The following CPNE4 variants were observed in gnomAD, a reference collection of about 807,000 sequenced individuals.
CPNE4 encodes the protein copine-4.
A neutral mutation model predicts 67.9 loss-of-function variants in CPNE4; 25 were observed. The ratio of observed to expected loss-of-function variants is 0.37; its 90% CI spans 0.27 to 0.51. The LOEUF is 0.51. CPNE4 is among the 20% of genes least tolerant of loss of function. The pLI, the probability that CPNE4 is intolerant of heterozygous loss-of-function variation, is 0.93. For synonymous variants in CPNE4, 242 were observed against 244.9 expected (o/e 0.99, Z 0.11); for missense variants, 464 against 690.8 (o/e 0.67, Z 3.68).
At chr3:131,978,159 AT>A (rs1454042539) in intron 1 of CPNE4, among the ~76,000 whole-genome samples, 2 of 67,696 alleles carry the variant, frequency 3.0e-5, no homozygotes, top group Non-Finnish European at 4.5e-5. Context: ...AAATATATAA[AT>A]ATATATAAAT....
intron 1 of CPNE4, among the ~76,000 whole-genome samples, chr3:131,931,675 C>T (rs550786553): frequency 2.0e-5 from 3 of 152,160 alleles, no homozygotes; most frequent in African/African-American, 7.2e-5. Flanking sequence ...TTTGCTCTAC[C>T]TCTTTACAAC....
intron 1 of CPNE4, among the ~76,000 whole-genome samples, chr3:131,993,475 A>AAAAAG (rs2073218761): frequency 7.8e-6 from 1 of 128,450 alleles, no homozygotes; most frequent in African/African-American, 2.5e-5. Flanking sequence ...GGAGTGGCAA[A>AAAAAG]AAAAAAAAAA....
chr3:131,791,965 C>T (rs1217663062), intron 2 of CPNE4, among the ~76,000 whole-genome samples: 1 of 152,064 alleles, frequency 6.6e-6, no homozygotes, highest in Admixed American at 6.6e-5. Context: ...AGATATAGGG[C>T]TATAATTACT....
chr3:131,781,216 G>C (rs1183530222), intron 2 of CPNE4, among the ~76,000 whole-genome samples: 1 of 152,088 alleles, frequency 6.6e-6, no homozygotes, highest in Non-Finnish European at 1.5e-5. Context: ...TTCTGAGTGA[G>C]CAGCGAAGAC....
intron 10 of CPNE4, among the ~76,000 whole-genome samples, chr3:131,569,332 GGGTTAGAAAA>G (rs201996635): frequency 0.036 from 5,524 of 152,082 alleles, 142 homozygotes; most frequent in Middle Eastern, 0.092. Context: ...AAATGTTTTA[GGGTTAGAAAA>G]GATTTCCTGA....
chr3:131,670,422 T>A (rs932050662), intron 6 of CPNE4, among the ~76,000 whole-genome samples: 1 of 152,224 alleles, frequency 6.6e-6, no homozygotes, highest in African/African-American at 2.4e-5. Context: ...ACTTTACTAA[T>A]CACAAACTTG....
rs541121086 is a variant in CPNE4 at position 131,696,528 on chromosome 3, G to T, written c.507+14C>A. The T allele has an allele frequency of 2.5e-6, 4 of 1,610,794 alleles. No homozygotes were observed. In the South Asian group the frequency reaches 4.4e-5, roughly 18 times the overall value. On this transcript the variant is annotated intron_variant, in intron 5 of 15. Transcript: ENST00000429747. Reference sequence around the variant, plus strand: ...TGTTACTTCCTTCAATAAGGTTAATGCCAAACGCTTTACCTTGTCATCCAA... The same window carrying T: ...TGTTACTTCCTTCAATAAGGTTAATTCCAAACGCTTTACCTTGTCATCCAA...
intron 3 of CPNE4, among the ~76,000 whole-genome samples, chr3:131,710,955 A>G (rs1369388580): frequency 1.3e-5 from 2 of 152,202 alleles, no homozygotes; most frequent in African/African-American, 4.8e-5. Flanking sequence ...CCTAGTGATG[A>G]TAATAATGAT....
chr3:131,743,575 G>T (rs1413901614), intron 2 of CPNE4, among the ~76,000 whole-genome samples: 2 of 152,102 alleles, frequency 1.3e-5, no homozygotes, highest in Non-Finnish European at 2.9e-5. Context: ...TGATCAAATA[G>T]TTTATTCCAG....
At chr3:131,857,896 AAAAG>A (rs1188087056) in intron 2 of CPNE4, among the ~76,000 whole-genome samples, 2 of 152,044 alleles carry the variant, frequency 1.3e-5, no homozygotes, top group African/African-American at 4.8e-5. Flanking sequence ...TTAAAAAAAT[AAAAG>A]AAAGAGTAAA....
intron 9 of CPNE4, among the ~76,000 whole-genome samples, chr3:131,576,533 T>C (rs1188168402): frequency 6.6e-6 from 1 of 152,120 alleles, no homozygotes; most frequent in Non-Finnish European, 1.5e-5. Flanking sequence ...CAGGATTTGA[T>C]TTGTACAGTT....
chr3:131,684,349 T>C (rs964855292), intron 6 of CPNE4, among the ~76,000 whole-genome samples: 1 of 152,230 alleles, frequency 6.6e-6, no homozygotes, highest in African/African-American at 2.4e-5. Context: ...AGGGCAACTG[T>C]GCTAGCTGCA....
At chr3:131,683,696 C>G (rs185546197) in intron 6 of CPNE4, among the ~76,000 whole-genome samples, 12 of 152,218 alleles carry the variant, frequency 7.9e-5, no homozygotes, top group African/African-American at 2.2e-4. Context: ...TCATAGCCCA[C>G]TGGCTATGAG....
intron 5 of CPNE4, among the ~76,000 whole-genome samples, chr3:131,692,719 T>C (rs1360842040): frequency 6.6e-6 from 1 of 152,170 alleles, no homozygotes. Context: ...ACCTCTACTT[T>C]AGAGACAGAT....
At chr3:131,916,861 T>C (rs2089200292) in intron 1 of CPNE4, among the ~76,000 whole-genome samples, 1 of 152,218 alleles carries the variant, frequency 6.6e-6, no homozygotes, top group South Asian at 2.1e-4. Context: ...CTACTGTTTG[T>C]TTTCTTTGTT....
rs58116331 is a variant in CPNE4 at position 131,993,472 on chromosome 3, C to CAAAAAA, written c.-2+41089_-2+41094dup. On this transcript the variant is annotated intron_variant, in intron 1 of 15. Coordinates refer to ENST00000429747, the MANE Select transcript of CPNE4 (RefSeq NM_130808.3). ...ACCCTGATTTCGTGTGCAGGAGTGG[C>CAAAAAA]AAAAAAAAAAAAAAAAAGCATAGCT... Among the ~76,000 whole-genome samples the CAAAAAA allele has an allele frequency of 5.2e-3, 315 of 60,440 alleles. 36 individuals carry two copies. The highest frequency in any genetic ancestry group is 0.01 in the African/African-American group (184 of 18,298). 39.7% of individuals were successfully genotyped at this position (60,440 alleles called of 152,430 possible).
chr3:131,968,076 T>G (rs2072401646), intron 1 of CPNE4, among the ~76,000 whole-genome samples: 1 of 152,166 alleles, frequency 6.6e-6, no homozygotes, highest in African/African-American at 2.4e-5. Flanking sequence ...CATCTGATCT[T>G]TGACAAACCT....
intron 2 of CPNE4, among the ~76,000 whole-genome samples, chr3:131,784,549 A>G (rs986019765): frequency 6.6e-6 from 1 of 152,124 alleles, no homozygotes; most frequent in African/African-American, 2.4e-5. Flanking sequence ...CCCTGAACCC[A>G]TGAGATTCAA....
At chr3:131,971,001 C>G (rs550079272) in intron 1 of CPNE4, among the ~76,000 whole-genome samples, 1 of 152,354 alleles carries the variant, frequency 6.6e-6, no homozygotes, top group African/African-American at 2.4e-5. Flanking sequence ...TCTCAGATCA[C>G]TAGATCATCT....
Sources: allele counts gnomAD v4.1 joint callset (sites outside exome capture counted in the v4.1 genomes callset), GRCh38; gene constraint gnomAD v4.1.1; transcripts MANE v1.5; gene names NCBI Gene and HGNC (gene_info 2026-07-23, HGNC 2026-07-21).